The following INSR variants were observed in gnomAD, a reference collection of about 807,000 sequenced individuals.
The protein encoded by INSR is IR.
In INSR, 67 loss-of-function variants were observed where a neutral mutation model predicts 142.6. That is an observed-to-expected ratio of 0.47 (90% CI 0.39 to 0.58). The LOEUF is 0.58. INSR is among the 20% of genes least tolerant of loss of function. The pLI, the probability that INSR is intolerant of heterozygous loss-of-function variation, is 0.00. For missense variants in INSR, 1,248 were observed against 1,833.2 expected, an observed-to-expected ratio of 0.68 and a Z score of 5.83; for synonymous variants, 756 against 743.1, an observed-to-expected ratio of 1.02 and a Z score of -0.28.
At chr19:7,156,359 C>T (rs1338632010) in intron 9 of INSR, among the ~76,000 whole-genome samples, 1 of 152,066 alleles carries the variant, frequency 6.6e-6, no homozygotes, top group East Asian at 1.9e-4. Flanking sequence ...CCACACTGGG[C>T]CTCCACATGG....
chr19:7,215,677 C>T (rs1313214727), intron 2 of INSR, among the ~76,000 whole-genome samples: 1 of 151,962 alleles, frequency 6.6e-6, no homozygotes, highest in Admixed American at 6.6e-5. Context: ...AAGTGATTCT[C>T]CTGCCTCAGT....
intron 2 of INSR, among the ~76,000 whole-genome samples, chr19:7,210,523 T>G (rs959357068): frequency 6.6e-6 from 1 of 152,038 alleles, no homozygotes; most frequent in East Asian, 1.9e-4. Flanking sequence ...TTCTCCTCGC[T>G]GTGCGACTCC....
intron 1 of INSR, among the ~76,000 whole-genome samples, chr19:7,284,088 A>T (rs1968279641): frequency 6.6e-6 from 1 of 151,366 alleles, no homozygotes; most frequent in Non-Finnish European, 1.5e-5. Context: ...TTTTTGAGAC[A>T]GGGTCTCACT....
intron 2 of INSR, among the ~76,000 whole-genome samples, chr19:7,232,826 A>C (rs1020505746): frequency 2.0e-5 from 3 of 152,092 alleles, no homozygotes; most frequent in African/African-American, 7.2e-5. Flanking sequence ...AAAAAATTTC[A>C]GTTGCTAAAC....
chr19:7,293,708 A>T, intron 1 of INSR, 84 bp downstream of exon 1: 1 of 1,158,280 alleles, frequency 8.6e-7, no homozygotes, highest in Non-Finnish European at 1.1e-6. Context: ...TTCTCAGTCC[A>T]CAAGCGGGGG....
intron 2 of INSR, among the ~76,000 whole-genome samples, chr19:7,189,914 T>C (rs1191752840): frequency 6.6e-6 from 1 of 152,118 alleles, no homozygotes; most frequent in East Asian, 1.9e-4. Context: ...TCTGCCCACC[T>C]TGGCCTCCCA....
intron 2 of INSR, among the ~76,000 whole-genome samples, chr19:7,240,682 C>G (rs772019811): frequency 3.9e-5 from 6 of 152,176 alleles, no homozygotes; most frequent in Admixed American, 1.3e-4. Flanking sequence ...CCTAAATGCT[C>G]CAAAATTCAA....
rs922560538 is a variant in INSR at position 7,225,859 on chromosome 19, G to A, written c.653-41222C>T. Among the ~76,000 whole-genome samples, 30 of 152,128 alleles carry A rather than the reference G, an allele frequency of 2.0e-4. No homozygotes were observed. Among genetic ancestry groups the A allele is most frequent in the Admixed American group, 1.6e-3 (24 of 15,270 alleles). ...GTGTTTGCCATGCCTCGGGGGCGGC[G>A]CTCCAGGCATGGAATGGGTGGAAGC... On this transcript the variant is annotated intron_variant, in intron 2 of 21. Transcript: ENST00000302850. The surrounding 1 kb of genome is among the most constrained non-coding windows in gnomAD (Gnocchi z 4.7).
At chr19:7,193,794 C>T (rs1207908675) in intron 2 of INSR, among the ~76,000 whole-genome samples, 1 of 151,958 alleles carries the variant, frequency 6.6e-6, no homozygotes, top group African/African-American at 2.4e-5. Flanking sequence ...GGTTCAAGTG[C>T]TCCTCCTACC....
rs932632454 is a variant in INSR, at chr19:7,116,170, T to C, written c.*886A>G. 1.4e-5 allele frequency: 2 copies of C among 146,942 alleles called. No individual in the cohort carries two copies. The highest frequency in any genetic ancestry group is 5.0e-5 in the African/African-American group (2 of 39,626). 9.1% of individuals were successfully genotyped at this position (146,942 alleles called of 1,614,324 possible). ...CTAGCTTGGTTTGGTCTTGAAAAGA[T>C]TCATAATCACTCCAAATGAAATGCT... On this transcript the variant is annotated 3_prime_UTR_variant, in exon 22 of 22. Transcript: ENST00000302850.
chr19:7,201,908 G>A (rs952854398), intron 2 of INSR, among the ~76,000 whole-genome samples: 4 of 151,900 alleles, frequency 2.6e-5, no homozygotes, highest in Admixed American at 2.6e-4. Context: ...TGATCCACCC[G>A]CCTCGGCCTC....
intron 1 of INSR, among the ~76,000 whole-genome samples, chr19:7,292,927 G>A (rs1968535907): frequency 6.6e-6 from 1 of 152,150 alleles, no homozygotes; most frequent in South Asian, 2.1e-4. Flanking sequence ...ACAAGGGACA[G>A]TAGTCCAGAT....
At position 7,122,638 on chromosome 19, in the gene INSR, G is replaced by A. The variant is rs1405739417; in HGVS notation, c.3505C>T (p.His1169Tyr). 3 of 1,614,116 alleles carry A rather than the reference G, an allele frequency of 1.9e-6. No individual in the cohort carries two copies. The highest frequency in any genetic ancestry group is 2.5e-6 in the Non-Finnish European group (3 of 1,180,004). Residue 1169 changes from histidine (H) to tyrosine (Y), a missense_variant, in exon 19 of 22, where the codon CAT becomes TAT. By Grantham distance (83) the His-to-Tyr change is moderately conservative. Coordinates refer to ENST00000302850, the MANE Select transcript of INSR (RefSeq NM_000208.4). The stretch of plus-strand genomic sequence containing the variant: ...CCTCCAATTTTGACAGTAAAATCAT[G>A]GGCGACCATGCAGTTTCTCGCTGCC... The part of the protein sequence containing the change: ...DLAARNCMVA[H>Y]DFTVKIGDFG...
chr19:7,269,642 A>C (rs1967857167), intron 1 of INSR, among the ~76,000 whole-genome samples: 1 of 130,064 alleles, frequency 7.7e-6, no homozygotes. Context: ...GCTCCCAGTC[A>C]GTCACATCAA....
intron 13 of INSR, among the ~76,000 whole-genome samples, chr19:7,134,820 T>TAATA (rs1416983947): frequency 3.3e-5 from 5 of 151,638 alleles, no homozygotes; most frequent in Admixed American, 3.3e-4. Context: ...TAAAATAAAA[T>TAATA]AATAAATAAA....
At chr19:7,170,972 G>T (rs1385074698) in intron 5 of INSR, among the ~76,000 whole-genome samples, 1 of 152,148 alleles carries the variant, frequency 6.6e-6, no homozygotes, top group Non-Finnish European at 1.5e-5. Context: ...TTGAAGAGGG[G>T]TGGTGAGTCT....
chr19:7,190,209 C>A (rs1041642676), intron 2 of INSR, among the ~76,000 whole-genome samples: 2 of 151,798 alleles, frequency 1.3e-5, no homozygotes, highest in Admixed American at 6.6e-5. Flanking sequence ...AGAAAAAAAT[C>A]ATCCCCAAAG....
intron 2 of INSR, among the ~76,000 whole-genome samples, chr19:7,208,614 A>G (rs1180889082): frequency 6.6e-6 from 1 of 152,228 alleles, no homozygotes; most frequent in African/African-American, 2.4e-5. Context: ...TCACACCTGT[A>G]ATCCCAGCAC....
intron 6 of INSR, among the ~76,000 whole-genome samples, chr19:7,170,064 G>A (rs1017298558): frequency 1.3e-5 from 2 of 152,100 alleles, no homozygotes; most frequent in Non-Finnish European, 2.9e-5. Flanking sequence ...GAACAGGGCT[G>A]TACAGCAGGA....
Sources: gnomAD v4.1 joint callset for allele counts (sites outside exome capture counted in the v4.1 genomes callset) on GRCh38, gnomAD v4.1.1 for gene constraint, Gnocchi (gnomAD v3.1) non-coding constraint, MANE v1.5 for transcripts, NCBI Gene and HGNC (gene_info 2026-07-23, HGNC 2026-07-21) for gene names.